Variants in STK38L observed in about 807,000 individuals in gnomAD.
STK38L encodes serine/threonine kinase 38 like.
STK38L carries 28 observed loss-of-function variants against 59.7 expected under a neutral mutation model. The ratio of observed to expected loss-of-function variants is 0.47; its 90% CI spans 0.35 to 0.64. The LOEUF (loss-of-function observed/expected upper bound fraction) is 0.64, where lower values mean the gene tolerates loss of function less well. Ranked by LOEUF, STK38L falls within the 30% of genes least tolerant of loss-of-function variation. The pLI is 0.01. For synonymous variants in STK38L, 162 were observed against 176.8 expected (o/e 0.92, Z 0.66); for missense variants, 314 against 555.8 (o/e 0.56, Z 4.37).
chr12:27,253,692 T>G (rs1187070517), intron 1 of STK38L, among the ~76,000 whole-genome samples: 1 of 152,050 alleles, frequency 6.6e-6, no homozygotes, highest in Non-Finnish European at 1.5e-5. Context: ...TTTCCAAGGA[T>G]GTGTGAGTGT....
chr12:27,287,801 A>C (rs1410858027), intron 1 of STK38L, among the ~76,000 whole-genome samples: 2 of 152,134 alleles, frequency 1.3e-5, no homozygotes, highest in Non-Finnish European at 2.9e-5. Flanking sequence ...AGTACTATTA[A>C]TTGAATGTCT....
At chr12:27,264,289 C>T (rs7309863) in intron 1 of STK38L, among the ~76,000 whole-genome samples, 10,730 of 152,092 alleles carry the variant, frequency 0.071, 506 homozygotes, top group Non-Finnish European at 0.11. Flanking sequence ...GTAATGTTAC[C>T]AACAGTGCCA....
At position 27,302,117 on chromosome 12, in the gene STK38L, T is replaced by A. The variant is rs935104969; in HGVS notation, c.135-20T>A. The A allele has an allele frequency of 2.6e-6, 4 of 1,565,590 alleles. No homozygotes were observed. The highest frequency in any genetic ancestry group is 3.5e-6 in the Non-Finnish European group (4 of 1,148,712). On this transcript the variant is annotated intron_variant, in intron 2 of 13. Coordinates refer to ENST00000389032, the MANE Select transcript of STK38L (RefSeq NM_015000.4). ...AGTTAGGAATGTATTTAAAATTTAA[T>A]TTTTTTTTCCTTTGAAAAGGCAGAA...
At chr12:27,309,262 T>C in intron 5 of STK38L, 65 bp downstream of exon 5, 3 of 1,242,390 alleles carry the variant, frequency 2.4e-6, no homozygotes, top group Non-Finnish European at 3.3e-6. Context: ...AGAGTGTTTA[T>C]ATTAGAATTT....
chr12:27,274,566 A>G (rs946495240), intron 1 of STK38L, among the ~76,000 whole-genome samples: 3 of 152,258 alleles, frequency 2.0e-5, no homozygotes, highest in African/African-American at 7.2e-5. Flanking sequence ...AAACAGGTCC[A>G]GTCCATTTCA....
chr12:27,297,615 T>C, intron 1 of STK38L, 95 bp from the exon 2 acceptor site: 1 of 1,355,960 alleles, frequency 7.4e-7, no homozygotes, highest in Non-Finnish European at 9.9e-7. Flanking sequence ...TAGGGTCGAA[T>C]TTTTCTTAGT....
rs1227568354 is a variant in STK38L, at chr12:27,308,897, T to TATTAATATATATA, written c.310-216_310-215insTTAATATATATAA. ...ATAAATATATATAAATGTAAATATA[T>TATTAATATATATA]AAATATATATAAATATATATTAATA... is the stretch of plus-strand genomic sequence containing the variant. On this transcript the variant is annotated intron_variant, in intron 4 of 13. Coordinates refer to ENST00000389032, the MANE Select transcript of STK38L (RefSeq NM_015000.4). The surrounding 1 kb of genome is among the most constrained non-coding windows in gnomAD (Gnocchi z 4.5). Among the ~76,000 whole-genome samples, 50 of 144,750 alleles carry TATTAATATATATA rather than the reference T, an allele frequency of 3.5e-4. 1 individual carries two copies. Among genetic ancestry groups the TATTAATATATATA allele is most frequent in the African/African-American group, 1.2e-3 (48 of 39,502 alleles). The allele number at this position is 144,750 out of a possible 152,430, so 95.0% of individuals were successfully genotyped here. A position where few individuals can be genotyped will look rare whatever the true frequency, so the allele number is the denominator to read the frequency against.
At chr12:27,276,356 A>G (rs1176704559) in intron 1 of STK38L, among the ~76,000 whole-genome samples, 1 of 152,214 alleles carries the variant, frequency 6.6e-6, no homozygotes, top group Non-Finnish European at 1.5e-5. Flanking sequence ...AAGTCATGAT[A>G]ATTGAAACAA....
intron 1 of STK38L, among the ~76,000 whole-genome samples, chr12:27,253,987 G>T (rs1352968664): frequency 2.0e-5 from 3 of 152,310 alleles, no homozygotes; most frequent in Admixed American, 2.0e-4. Context: ...TGCAGTGCTG[G>T]TGATAAATTG....
chr12:27,313,015 G>A (rs756130716), intron 6 of STK38L, among the ~76,000 whole-genome samples: 6 of 152,148 alleles, frequency 3.9e-5, no homozygotes, highest in African/African-American at 7.2e-5. Context: ...TTGGGAGGCC[G>A]AGGCGGATGG....
At chr12:27,249,776 G>T (rs922275) in intron 1 of STK38L, among the ~76,000 whole-genome samples, 1 of 151,938 alleles carries the variant, frequency 6.6e-6, no homozygotes, top group African/African-American at 2.4e-5. Flanking sequence ...GCTGATTCTC[G>T]TTGATTCCAC....
At chr12:27,281,770 C>T (rs1943664326) in intron 1 of STK38L, among the ~76,000 whole-genome samples, 1 of 152,142 alleles carries the variant, frequency 6.6e-6, no homozygotes, top group Non-Finnish European at 1.5e-5. Flanking sequence ...CACGGTGCCT[C>T]AGGCCTGTAA....
At chr12:27,268,628 A>G (rs923076038) in intron 1 of STK38L, among the ~76,000 whole-genome samples, 8 of 152,222 alleles carry the variant, frequency 5.3e-5, no homozygotes, top group Non-Finnish European at 1.2e-4. Flanking sequence ...CTTTGGGTAT[A>G]TACCCAGTAA....
chr12:27,314,401 CAAA>C (rs35096255), intron 6 of STK38L, 100 bp from the exon 7 acceptor site: 4,867 of 671,538 alleles, frequency 7.2e-3, no homozygotes, highest in South Asian at 0.015. Context: ...ACTCTGTCTC[CAAA>C]AAAAAAAAAA....
intron 1 of STK38L, among the ~76,000 whole-genome samples, chr12:27,274,639 T>C (rs1265485719): frequency 6.6e-6 from 1 of 152,248 alleles, no homozygotes; most frequent in Non-Finnish European, 1.5e-5. Flanking sequence ...ATAGGTGCTA[T>C]GCTTGAAGCA....
intron 1 of STK38L, among the ~76,000 whole-genome samples, chr12:27,285,631 A>G (rs1276287590): frequency 1.3e-5 from 2 of 152,080 alleles, no homozygotes; most frequent in Non-Finnish European, 1.5e-5. Context: ...CTCACCACTC[A>G]TCCTTTTCCT....
Position 27,266,479 on chromosome 12 carries a change from C to T in STK38L, c.-12+22147C>T, listed in dbSNP as rs116968252. On this transcript the variant is annotated intron_variant, in intron 1 of 13. Coordinates refer to ENST00000389032, the MANE Select transcript of STK38L (RefSeq NM_015000.4). ...CCCTCTCCCTGTCAGTCCGCCATTA[C>T]CCTAACAGTGGTAGAAATTCTTTAT... Among the ~76,000 whole-genome samples the T allele has an allele frequency of 7.0e-3, 1,062 of 152,290 alleles. 6 individuals carry two copies. Among genetic ancestry groups the T allele is most frequent in the Non-Finnish European group, 0.011 (733 of 68,030 alleles).
At chr12:27,312,348 G>C (rs1481293051) in intron 5 of STK38L, among the ~76,000 whole-genome samples, 2 of 152,126 alleles carry the variant, frequency 1.3e-5, no homozygotes, top group African/African-American at 4.8e-5. Context: ...CACCTTTTCA[G>C]ACCTAAAGAT....
Position 27,297,855 on chromosome 12 carries a change from G to GTA in STK38L, c.134+4_134+5dup. 6.2e-7 allele frequency: 1 copy of GTA among 1,613,940 alleles called. No individual in the cohort carries two copies. Among genetic ancestry groups the GTA allele is most frequent in the Non-Finnish European group, 8.5e-7 (1 of 1,179,962 alleles). On this transcript the variant is annotated splice_donor_variant, in intron 2 of 13. Transcript: ENST00000389032. LOFTEE classifies it high-confidence loss of function. ...TACAGCATGAAGAGAGAGAAACCAG[G>GTA]TATAGTAAGGGCTAATCAAAACTTT...
Sources: allele counts gnomAD v4.1 joint callset (sites outside exome capture counted in the v4.1 genomes callset), GRCh38; gene constraint gnomAD v4.1.1; non-coding constraint Gnocchi (gnomAD v3.1); transcripts MANE v1.5; gene names NCBI Gene and HGNC (gene_info 2026-07-23, HGNC 2026-07-21).